Variants in C12orf56 observed in about 807,000 individuals in gnomAD.
The protein encoded by C12orf56 is uncharacterized protein C12orf56.
C12orf56 carries 71 observed loss-of-function variants against 69.9 expected under a neutral mutation model. The observed-to-expected ratio is 1.02, with a 90% CI of 0.84 to 1.24. C12orf56 has a LOEUF of 1.24. Ranked by LOEUF, C12orf56 falls within the 50% of genes most tolerant of loss-of-function variation. The pLI, the probability that C12orf56 is intolerant of heterozygous loss-of-function variation, is 0.00. For missense variants in C12orf56, 732 were observed against 738.5 expected (o/e 0.99, Z 0.10); for synonymous variants, 276 against 274.1 (o/e 1.01, Z -0.07).
chr12:64,387,132 C>T (rs1187799995), intron 1 of C12orf56, among the ~76,000 whole-genome samples: 1 of 137,592 alleles, frequency 7.3e-6, no homozygotes, highest in East Asian at 2.3e-4. Context: ...ATTGAGCCCA[C>T]CCAGATACTC....
At chr12:64,304,590 G>A (rs1436362) in intron 5 of C12orf56, among the ~76,000 whole-genome samples, 106,173 of 151,980 alleles carry the variant, frequency 0.7, 38,269 homozygotes, top group Non-Finnish European at 0.79. Context: ...TTAGTTACTC[G>A]TGTACCTATC....
At position 64,312,769 on chromosome 12, in the gene C12orf56, T is replaced by C; in HGVS notation, c.895-17A>G. ...AGTAGCTTTCTGAAAAAGGAAAAAGTAGAAATTGTTAGAATTTTTATTTAC... is the reference window on the plus strand; with the variant it reads ...AGTAGCTTTCTGAAAAAGGAAAAAGCAGAAATTGTTAGAATTTTTATTTAC... On this transcript the variant is annotated splice_polypyrimidine_tract_variant and intron_variant, in intron 4 of 12. Transcript: ENST00000543942. The C allele has an allele frequency of 6.7e-7, 1 of 1,497,692 alleles. No individual in the cohort carries two copies. Among genetic ancestry groups the C allele is most frequent in the Non-Finnish European group, 9.0e-7 (1 of 1,111,830 alleles). 92.8% of individuals were successfully genotyped at this position (1,497,692 alleles called of 1,614,324 possible). A position where few individuals can be genotyped will look rare whatever the true frequency, so the allele number is the denominator to read the frequency against.
intron 8 of C12orf56, among the ~76,000 whole-genome samples, chr12:64,281,046 G>A (rs2038117387): frequency 6.6e-6 from 1 of 152,114 alleles, no homozygotes; most frequent in Admixed American, 6.5e-5. Flanking sequence ...GCCGACGGGG[G>A]GTGGATCACC....
chr12:64,362,314 A>G (rs973607567), intron 1 of C12orf56, among the ~76,000 whole-genome samples: 1 of 152,182 alleles, frequency 6.6e-6, no homozygotes, highest in Non-Finnish European at 1.5e-5. Flanking sequence ...GTCTCGATAC[A>G]GAACCCAAGA....
chr12:64,322,025 T>A (rs1592451927), intron 3 of C12orf56, among the ~76,000 whole-genome samples: 1 of 137,448 alleles, frequency 7.3e-6, no homozygotes, highest in African/African-American at 2.6e-5. Flanking sequence ...TATTATTATT[T>A]TTAGAGACAG....
At chr12:64,365,814 G>C (rs1337655050) in intron 1 of C12orf56, among the ~76,000 whole-genome samples, 2 of 136,140 alleles carry the variant, frequency 1.5e-5, no homozygotes, top group East Asian at 2.1e-4. Flanking sequence ...ATAATATATA[G>C]TGTATATATT....
chr12:64,375,771 T>A (rs547279503), intron 1 of C12orf56, among the ~76,000 whole-genome samples: 7 of 33,048 alleles, frequency 2.1e-4, no homozygotes, highest in Non-Finnish European at 7.2e-4. Context: ...AGCGAAAATT[T>A]AAAAAATATT....
intron 2 of C12orf56, among the ~76,000 whole-genome samples, chr12:64,344,450 G>A (rs576382757): frequency 6.4e-4 from 97 of 152,292 alleles, no homozygotes; most frequent in Non-Finnish European, 2.9e-4. Context: ...TAAGAACACC[G>A]TGGTTAATTA....
intron 2 of C12orf56, 114 bp from the exon 3 acceptor site, chr12:64,331,146 G>A (rs898851582): frequency 8.5e-6 from 8 of 942,620 alleles, no homozygotes; most frequent in Admixed American, 2.9e-5. Context: ...CACAAAAATT[G>A]TAAGTCCAAA....
intron 6 of C12orf56, among the ~76,000 whole-genome samples, chr12:64,298,331 G>A (rs1474451224): frequency 1.3e-5 from 2 of 151,690 alleles, no homozygotes; most frequent in Non-Finnish European, 2.9e-5. Context: ...TCTGTAGGTT[G>A]TCTGTTCACT....
chr12:64,342,059 C>T (rs908617944), intron 2 of C12orf56, among the ~76,000 whole-genome samples: 3 of 152,182 alleles, frequency 2.0e-5, no homozygotes, highest in Non-Finnish European at 2.9e-5. Flanking sequence ...TGAGGCCACC[C>T]GTTGGTGAGC....
At chr12:64,272,864 C>G (rs2038007538) in intron 11 of C12orf56, among the ~76,000 whole-genome samples, 1 of 152,208 alleles carries the variant, frequency 6.6e-6, no homozygotes. Flanking sequence ...CAAATGTACC[C>G]TCTGGCCCCA....
intron 2 of C12orf56, among the ~76,000 whole-genome samples, chr12:64,348,453 A>G (rs1565768257): frequency 6.6e-6 from 1 of 152,230 alleles, no homozygotes; most frequent in African/African-American, 2.4e-5. Context: ...GGCAAAATAA[A>G]TAACTTAAGG....
intron 6 of C12orf56, among the ~76,000 whole-genome samples, chr12:64,296,638 A>G (rs2038368244): frequency 6.6e-6 from 1 of 152,346 alleles, no homozygotes; most frequent in African/African-American, 2.4e-5. Flanking sequence ...GAATAAATGT[A>G]TTTTGTATGT....
chr12:64,285,892 C>T, intron 7 of C12orf56, 62 bp downstream of exon 7: 6 of 1,056,134 alleles, frequency 5.7e-6, no homozygotes, highest in Non-Finnish European at 6.8e-6. Flanking sequence ...CCAGTGTCTT[C>T]CATTTATCTT....
At position 64,304,996 on chromosome 12, in the gene C12orf56, G is replaced by A. The variant is rs550529158; in HGVS notation, c.969-1217C>T. Among the ~76,000 whole-genome samples the A allele has an allele frequency of 9.9e-5, 15 of 152,208 alleles. No homozygotes were observed. In the East Asian group the frequency reaches 2.7e-3, roughly 27 times the overall value. On this transcript the variant is annotated intron_variant, in intron 5 of 12. Transcript: ENST00000543942. ...CTTACTCCAGTAACCTGTACCAGCC[G>A]TTTATCCCAATACTAGCTACTGCAT...
intron 1 of C12orf56, among the ~76,000 whole-genome samples, chr12:64,374,027 G>T (rs74493096): frequency 0.047 from 7,128 of 152,128 alleles, 562 homozygotes; most frequent in African/African-American, 0.16. Flanking sequence ...TCTCCACCAG[G>T]TGGTCTTTTT....
chr12:64,323,239 A>C (rs558567951), intron 3 of C12orf56, among the ~76,000 whole-genome samples: 2 of 152,166 alleles, frequency 1.3e-5, no homozygotes, highest in Non-Finnish European at 2.9e-5. Context: ...AGCTGTGTCT[A>C]AATTCCGTTC....
intron 5 of C12orf56, among the ~76,000 whole-genome samples, chr12:64,307,702 T>C (rs1200822024): frequency 6.6e-6 from 1 of 152,160 alleles, no homozygotes; most frequent in Non-Finnish European, 1.5e-5. Flanking sequence ...TTCTACTGAC[T>C]TAAAAATGTG....
Sources: allele counts gnomAD v4.1 joint callset (sites outside exome capture counted in the v4.1 genomes callset), GRCh38; gene constraint gnomAD v4.1.1; transcripts MANE v1.5; gene names NCBI Gene and HGNC (gene_info 2026-07-23, HGNC 2026-07-21).